The following CHD2 variants were observed in gnomAD, a reference collection of about 807,000 sequenced individuals.
CHD2 encodes chromodomain helicase DNA binding protein 2.
CHD2 carries 28 observed loss-of-function variants against 243.9 expected under a neutral mutation model. The observed-to-expected ratio is 0.11, with a 90% confidence interval of 0.09 to 0.16. The LOEUF (loss-of-function observed/expected upper bound fraction) is 0.16, where lower values mean the gene tolerates loss of function less well. CHD2 is among the 10% of genes least tolerant of loss of function. The pLI is 1.00. For missense variants in CHD2, 1,386 were observed against 2,209.8 expected (o/e 0.63, Z 7.47); for synonymous variants, 775 against 779.0 (o/e 0.99, Z 0.09).
chr15:92,998,990 A>G lies in CHD2; in HGVS notation c.4008+369A>G, dbSNP rs959432909. Among the ~76,000 whole-genome samples, 1 of 143,448 alleles carries G rather than the reference A, an allele frequency of 7.0e-6. No homozygotes were observed. The highest frequency in any genetic ancestry group is 1.5e-5 in the Non-Finnish European group (1 of 66,598). The allele number at this position is 143,448 out of a possible 152,430, so 94.1% of individuals were successfully genotyped here. On this transcript the variant is annotated intron_variant, in intron 31 of 38. Transcript: ENST00000394196. The surrounding 1 kb of genome is among the most constrained non-coding windows in gnomAD (Gnocchi z 5.1). The stretch of plus-strand genomic sequence containing the variant: ...TCCCAGCTACTTAGGAGGCTGAGGC[A>G]GGAGAATGGTGTGAACCCGGGAGGC...
At chr15:92,980,565 C>A (rs1011989990) in intron 22 of CHD2, among the ~76,000 whole-genome samples, 1 of 152,152 alleles carries the variant, frequency 6.6e-6, no homozygotes. Context: ...TTGCTAGTCA[C>A]CTTTCTGGCT....
At chr15:92,994,397 T>TA (rs568317759) in intron 28 of CHD2, among the ~76,000 whole-genome samples, 7 of 151,982 alleles carry the variant, frequency 4.6e-5, no homozygotes, top group African/African-American at 1.7e-4. Context: ...ATTTTAATAA[T>TA]AAAAAATTAT....
chr15:92,913,852 A>C (rs1441060450), intron 2 of CHD2, among the ~76,000 whole-genome samples: 1 of 151,848 alleles, frequency 6.6e-6, no homozygotes, highest in Admixed American at 6.6e-5. Context: ...GACCCTATCC[A>C]AAAAAAACAA....
At chr15:93,020,998 T>C (rs946175043) in intron 38 of CHD2, 2 of 152,304 alleles carry the variant, frequency 1.3e-5, no homozygotes, top group Non-Finnish European at 2.9e-5. Flanking sequence ...CTCCCACCCT[T>C]CTCTATTGTC....
chr15:92,911,358 A>G (rs189051449), intron 2 of CHD2, among the ~76,000 whole-genome samples: 7 of 152,316 alleles, frequency 4.6e-5, no homozygotes, highest in Non-Finnish European at 7.3e-5. Flanking sequence ...AGGAGAGTAG[A>G]TGGTAGAATT....
chr15:92,972,016 G>A (rs2141835917), intron 18 of CHD2, 89 bp downstream of exon 18: 1 of 1,354,836 alleles, frequency 7.4e-7, no homozygotes, highest in Non-Finnish European at 1.0e-6. Flanking sequence ...CCTTGTTGGT[G>A]ACCTATCAAG....
chr15:92,934,233 T>G (rs1200151635), intron 5 of CHD2, among the ~76,000 whole-genome samples: 2 of 152,212 alleles, frequency 1.3e-5, no homozygotes, highest in East Asian at 1.9e-4. Flanking sequence ...TTGTCTGTCT[T>G]AGGATTTGTG....
chr15:93,012,176 G>T (rs1392316244), intron 35 of CHD2, among the ~76,000 whole-genome samples, 169 bp from the exon 36 acceptor site: 2 of 152,074 alleles, frequency 1.3e-5, no homozygotes, highest in South Asian at 4.1e-4. Context: ...ATTAAGTTAG[G>T]ACTTACTGTA....
chr15:92,914,047 C>G (rs2052789811), intron 2 of CHD2, among the ~76,000 whole-genome samples: 1 of 152,140 alleles, frequency 6.6e-6, no homozygotes, highest in African/African-American at 2.4e-5. Context: ...CTCCTTTGAA[C>G]TTTGGGAGTT....
intron 21 of CHD2, 128 bp downstream of exon 21, chr15:92,978,511 CTGTT>C (rs2053937484): frequency 1.1e-6 from 1 of 938,954 alleles, no homozygotes; most frequent in Admixed American, 2.8e-5. Context: ...GCATTGATTT[CTGTT>C]TGTTAACTAG....
rs558595462 is a variant in CHD2 at position 92,916,638 on chromosome 15, C to CT, written c.63-7683_63-7682insT. ...GTGCAACCTCAGTTCACTGCAACCT[C>CT]CAACTCCCACGTTCAAGCGATTCTC... On this transcript the variant is annotated intron_variant, in intron 2 of 38. Transcript: ENST00000394196. Among the ~76,000 whole-genome samples the CT allele has an allele frequency of 7.6e-4, 116 of 152,330 alleles. 2 individuals are homozygous for CT. The highest frequency in any genetic ancestry group is 2.6e-3 in the African/African-American group (108 of 41,574).
intron 32 of CHD2, among the ~76,000 whole-genome samples, chr15:93,001,157 A>C (rs555710283): frequency 6.6e-6 from 1 of 152,318 alleles, no homozygotes; most frequent in East Asian, 1.9e-4. Context: ...GGCGTGAGTC[A>C]CCGCGCCCGT....
intron 26 of CHD2, among the ~76,000 whole-genome samples, chr15:92,986,470 T>A (rs562002598): frequency 1.2e-4 from 19 of 152,296 alleles, no homozygotes; most frequent in African/African-American, 4.3e-4. Flanking sequence ...TTTAATTTAC[T>A]ATGGAAAAAT....
intron 26 of CHD2, among the ~76,000 whole-genome samples, chr15:92,991,017 A>G (rs547327594): frequency 3.3e-5 from 5 of 152,328 alleles, no homozygotes; most frequent in African/African-American, 1.2e-4. Context: ...AAAAATCTTA[A>G]CAGCTGAAAA....
chr15:92,946,213 C>A lies in CHD2; in HGVS notation c.1374C>A (p.Cys458Ter). 6.2e-7 allele frequency: 1 copy of A among 1,608,930 alleles called. No homozygotes were observed. The highest frequency in any genetic ancestry group is 8.5e-7 in the Non-Finnish European group (1 of 1,176,940). Residue 458 changes from cysteine (C) to a stop codon, truncating the protein, a stop_gained, in exon 12 of 39, where the codon TGC (cysteine) becomes TGA (stop). Transcript: ENST00000394196. LOFTEE classifies it high-confidence loss of function. ...NNSKTIPTRECKALKQRPRFV... is the reference protein window; with the variant it reads ...NNSKTIPTRE The stretch of plus-strand genomic sequence containing the variant: ...CAAAAACCATCCCAACAAGAGAATG[C>A]AAGGTATGGTGATGGTTGGCTTTTG...
intron 2 of CHD2, among the ~76,000 whole-genome samples, chr15:92,913,511 G>A (rs1208014080): frequency 2.6e-5 from 4 of 152,172 alleles, no homozygotes; most frequent in South Asian, 2.1e-4. Context: ...CCAAGAGTGT[G>A]TATGAGACAG....
chr15:92,965,088 A>G (rs935933207), intron 16 of CHD2, among the ~76,000 whole-genome samples: 2 of 152,236 alleles, frequency 1.3e-5, no homozygotes, highest in African/African-American at 4.8e-5. Flanking sequence ...AATTTTTTCT[A>G]GTTCTGTGAG....
intron 1 of CHD2, 126 bp downstream of exon 1, chr15:92,900,950 T>C: frequency 2.2e-6 from 1 of 461,108 alleles, no homozygotes; most frequent in East Asian, 3.5e-5. Context: ...GTATCTAGTG[T>C]GCTACTTTGA....
chr15:92,926,596 T>C (rs1408705126), intron 3 of CHD2, among the ~76,000 whole-genome samples: 2 of 152,200 alleles, frequency 1.3e-5, no homozygotes, highest in African/African-American at 4.8e-5. Flanking sequence ...TGGTGAGGAT[T>C]GTTACAGGTC....
Sources: gnomAD v4.1 joint callset for allele counts (sites outside exome capture counted in the v4.1 genomes callset) on GRCh38, gnomAD v4.1.1 for gene constraint, Gnocchi (gnomAD v3.1) non-coding constraint, MANE v1.5 for transcripts, NCBI Gene and HGNC (gene_info 2026-07-23, HGNC 2026-07-21) for gene names.